USH2A: variants seen among roughly 807,000 people sequenced by gnomAD.
The protein encoded by USH2A is usherin, also known as Usher syndrome 2A (autosomal recessive, mild).
USH2A carries 443 observed loss-of-function variants against 538.9 expected under a neutral mutation model. That is an observed-to-expected ratio of 0.82 (90% CI 0.76 to 0.89). The LOEUF (loss-of-function observed/expected upper bound fraction) is 0.89, where lower values mean the gene tolerates loss of function less well. USH2A is among the 40% of genes least tolerant of loss of function. The probability of loss-of-function intolerance (pLI) is 0.00; values close to 1 mark genes in which losing one functional copy is unlikely to be tolerated. For synonymous variants in USH2A, 2,413 were observed against 2,273.5 expected, an observed-to-expected ratio of 1.06 and a Z score of -1.75; for missense variants, 6,633 against 6,324.8, an observed-to-expected ratio of 1.05 and a Z score of -1.65.
intron 15 of USH2A, among the ~76,000 whole-genome samples, chr1:216,208,556 G>C (rs375318836): frequency 6.6e-6 from 1 of 152,010 alleles, no homozygotes; most frequent in South Asian, 2.1e-4. Flanking sequence ...CTTTCAAAAG[G>C]GTGGGCAAAA....
At chr1:216,311,908 CT>C (rs1229099008) in intron 9 of USH2A, among the ~76,000 whole-genome samples, 1 of 151,860 alleles carries the variant, frequency 6.6e-6, no homozygotes, top group African/African-American at 2.4e-5. Context: ...ATACATTGTT[CT>C]TATTATAATT....
At chr1:216,417,421 A>G (rs1213525625) in intron 3 of USH2A, among the ~76,000 whole-genome samples, 2 of 152,094 alleles carry the variant, frequency 1.3e-5, no homozygotes, top group African/African-American at 4.8e-5. Flanking sequence ...ACCCCAAGTT[A>G]CATGATTTGG....
chr1:216,075,852 T>A (rs1318421971), intron 27 of USH2A, among the ~76,000 whole-genome samples: 1 of 78,600 alleles, frequency 1.3e-5, no homozygotes, highest in Non-Finnish European at 2.6e-5. Flanking sequence ...GCAACGTTAG[T>A]AGATTAAAAA....
chr1:215,796,715 T>C (rs938862506), intron 50 of USH2A, among the ~76,000 whole-genome samples: 22 of 152,178 alleles, frequency 1.4e-4, no homozygotes, highest in Non-Finnish European at 3.1e-4. Context: ...TCTCTCACTT[T>C]AAATCAAAAG....
At chr1:215,698,355 G>A (rs567526904) in intron 61 of USH2A, among the ~76,000 whole-genome samples, 1 of 152,192 alleles carries the variant, frequency 6.6e-6, no homozygotes, top group South Asian at 2.1e-4. Flanking sequence ...GGGATTGCTG[G>A]GTCAAATGGT....
chr1:216,147,824 G>A lies in USH2A; in HGVS notation c.4627+27428C>T, dbSNP rs532746396. Among the ~76,000 whole-genome samples, 697 of 151,248 alleles carry A rather than the reference G, an allele frequency of 4.6e-3. 2 individuals are homozygous for A. The highest frequency in any genetic ancestry group is 0.011 in the African/African-American group (468 of 41,130). On this transcript the variant is annotated intron_variant, in intron 21 of 71. Transcript: ENST00000307340. ...CTCCTCCCCCAGGAGCTTGCTACACGTGCTGGAAATCTGGCCACTGGGCCA... is the reference window on the plus strand; with the variant it reads ...CTCCTCCCCCAGGAGCTTGCTACACATGCTGGAAATCTGGCCACTGGGCCA...
intron 64 of USH2A, among the ~76,000 whole-genome samples, chr1:215,654,738 A>AGAT (rs1657187999): frequency 6.6e-6 from 1 of 152,240 alleles, no homozygotes; most frequent in African/African-American, 2.4e-5. Flanking sequence ...GCAAAATGAT[A>AGAT]GATTAATATG....
At chr1:216,360,716 A>G (rs1015651630) in intron 4 of USH2A, among the ~76,000 whole-genome samples, 4 of 151,354 alleles carry the variant, frequency 2.6e-5, no homozygotes, top group African/African-American at 9.7e-5. Flanking sequence ...AAAATAGTCT[A>G]TTAAGAAGGA....
chr1:215,794,729 A>T (rs533061941), intron 50 of USH2A, among the ~76,000 whole-genome samples: 1 of 152,314 alleles, frequency 6.6e-6, no homozygotes, highest in African/African-American at 2.4e-5. Context: ...GCTTATCTTG[A>T]TTCGCAAGAG....
chr1:215,913,901 G>A (rs1403271172), intron 38 of USH2A, among the ~76,000 whole-genome samples: 1 of 151,876 alleles, frequency 6.6e-6, no homozygotes, highest in African/African-American at 2.4e-5. Flanking sequence ...AAGAGATGGG[G>A]AAAACTATAG....
chr1:215,867,006 C>T lies in USH2A; in HGVS notation c.8845+1G>A, dbSNP rs1553270954. 6.2e-7 allele frequency: 1 copy of T among 1,614,092 alleles called. No individual in the cohort carries two copies. Among genetic ancestry groups the T allele is most frequent in the Non-Finnish European group, 8.5e-7 (1 of 1,179,986 alleles). On this transcript the variant is annotated splice_donor_variant, in intron 44 of 71. Transcript: ENST00000307340. LOFTEE classifies it high-confidence loss of function. The stretch of plus-strand genomic sequence containing the variant: ...AACACAGGTATGAGAAGCTTACTTA[C>T]TTGGTTTAGCCCACCTCACGTCGAT...
At position 215,780,000 on chromosome 1, in the gene USH2A, C is replaced by T. The variant is rs771265408; in HGVS notation, c.10782G>A (p.Leu3594=). The change falls in exon 55 of 72, where the codon CTG becomes CTA. Residue 3594 remains leucine, a synonymous_variant. Transcript: ENST00000307340. ...ATTQGVPESI[L]PPSITALSAV... ...CACTTAGGGCTGTGATGCTTGGTGGCAGGATGCTCTCCGGAACTCCTTGGG... is the reference window on the plus strand; with the variant it reads ...CACTTAGGGCTGTGATGCTTGGTGGTAGGATGCTCTCCGGAACTCCTTGGG... The T allele has an allele frequency of 6.2e-7, 1 of 1,614,110 alleles. No homozygotes were observed.
At chr1:215,921,502 C>T (rs987008328) in intron 38 of USH2A, among the ~76,000 whole-genome samples, 1 of 152,026 alleles carries the variant, frequency 6.6e-6, no homozygotes, top group African/African-American at 2.4e-5. Flanking sequence ...GTTCAACCAA[C>T]AATACCCTTA....
At chr1:216,092,844 A>G (rs2032335642) in intron 22 of USH2A, among the ~76,000 whole-genome samples, 1 of 152,170 alleles carries the variant, frequency 6.6e-6, no homozygotes, top group Non-Finnish European at 1.5e-5. Context: ...TTAAAAAATA[A>G]TTGTCACTTT....
intron 4 of USH2A, among the ~76,000 whole-genome samples, chr1:216,329,543 C>A (rs566241428): frequency 1.5e-4 from 23 of 152,158 alleles, no homozygotes; most frequent in Non-Finnish European, 2.9e-4. Context: ...GCCTGTGTCC[C>A]GTTTTTTCTT....
intron 57 of USH2A, 86 bp from the exon 58 acceptor site, chr1:215,758,838 A>C (rs1198358465): frequency 3.4e-6 from 5 of 1,462,884 alleles, no homozygotes; most frequent in Non-Finnish European, 3.8e-6. Context: ...TCAATTGCTT[A>C]GTCCTAAATT....
intron 20 of USH2A, among the ~76,000 whole-genome samples, chr1:216,181,733 A>G (rs904836669): frequency 1.3e-5 from 2 of 152,016 alleles, no homozygotes; most frequent in African/African-American, 2.4e-5. Flanking sequence ...TTGCTACCCA[A>G]ACTTGAAGCT....
intron 32 of USH2A, among the ~76,000 whole-genome samples, chr1:216,004,958 T>C (rs368267681): frequency 4.1e-4 from 63 of 152,174 alleles, no homozygotes; most frequent in African/African-American, 1.5e-3. Flanking sequence ...ATCCTCTAAC[T>C]ACTTCAATTT....
At chr1:216,361,161 T>C (rs913107819) in intron 4 of USH2A, among the ~76,000 whole-genome samples, 1 of 152,112 alleles carries the variant, frequency 6.6e-6, no homozygotes, top group Non-Finnish European at 1.5e-5. Flanking sequence ...GTAGAAACAT[T>C]GATTTGTTTC....
Sources: allele counts gnomAD v4.1 joint callset (sites outside exome capture counted in the v4.1 genomes callset), GRCh38; gene constraint gnomAD v4.1.1; transcripts MANE v1.5; gene names NCBI Gene and HGNC (gene_info 2026-07-23, HGNC 2026-07-21).